NRG1: variants seen among roughly 807,000 people sequenced by gnomAD.
NRG1 encodes the protein neuregulin 1, also known as pro-neuregulin-1, membrane-bound isoform.
A neutral mutation model predicts 63.8 loss-of-function variants in NRG1; 18 were observed. That is an observed-to-expected ratio of 0.28 (90% CI 0.19 to 0.42). The LOEUF is 0.42. NRG1 is among the 10% of genes least tolerant of loss of function. NRG1 has a pLI of 1.00. For missense variants in NRG1, 762 were observed against 814.7 expected, an observed-to-expected ratio of 0.94 and a Z score of 0.79; for synonymous variants, 302 against 301.3, an observed-to-expected ratio of 1.00 and a Z score of -0.02.
chr8:32,753,214 C>T (rs976712090), intron 7 of NRG1, among the ~76,000 whole-genome samples: 1 of 152,166 alleles, frequency 6.6e-6, no homozygotes, highest in African/African-American at 2.4e-5. Flanking sequence ...GTTGAGTTCT[C>T]TTTCTGAGTG....
chr8:31,856,615 T>C (rs1485401362), intron 1 of NRG1, among the ~76,000 whole-genome samples: 1 of 152,214 alleles, frequency 6.6e-6, no homozygotes, highest in Non-Finnish European at 1.5e-5. Flanking sequence ...TCTCCGCTCG[T>C]CAAAGTCATT....
At chr8:31,853,179 T>A (rs1253541450) in intron 1 of NRG1, among the ~76,000 whole-genome samples, 1 of 152,206 alleles carries the variant, frequency 6.6e-6, no homozygotes, top group Non-Finnish European at 1.5e-5. Flanking sequence ...GGGATGTCAT[T>A]GAATCTGTAC....
chr8:32,773,915 T>C (rs1831948200), intron 7 of NRG1, among the ~76,000 whole-genome samples: 1 of 152,246 alleles, frequency 6.6e-6, no homozygotes, highest in Non-Finnish European at 1.5e-5. Context: ...CCAGTGTTTA[T>C]GAAACCCTAG....
At chr8:32,764,223 G>A (rs777344047) in exon 12 of NRG1, 7 of 1,614,008 alleles carry the variant, frequency 4.3e-6, no homozygotes, top group Admixed American at 1.7e-5. Flanking sequence ...AGATGAAAGA[G>A]TAGGTGAAGA....
At chr8:31,890,646 G>A (rs553798807) in intron 1 of NRG1, among the ~76,000 whole-genome samples, 2 of 152,218 alleles carry the variant, frequency 1.3e-5, no homozygotes, top group East Asian at 3.9e-4. Context: ...ACCTACATCA[G>A]ACACATGCTA....
chr8:32,476,229 A>G (rs1824502222), intron 1 of NRG1, among the ~76,000 whole-genome samples: 1 of 152,212 alleles, frequency 6.6e-6, no homozygotes, highest in African/African-American at 2.4e-5. Context: ...CAATGACAAG[A>G]ATTAGAGCAA....
intron 1 of NRG1, among the ~76,000 whole-genome samples, chr8:32,470,513 A>C (rs1823712032): frequency 1.3e-5 from 2 of 151,690 alleles, no homozygotes; most frequent in South Asian, 4.2e-4. Context: ...CATGAAAAGG[A>C]CTCTTTTTAA....
intron 1 of NRG1, among the ~76,000 whole-genome samples, chr8:31,878,041 T>C (rs1460353532): frequency 1.3e-5 from 2 of 152,194 alleles, no homozygotes; most frequent in African/African-American, 2.4e-5. Flanking sequence ...TTCCAGGAGA[T>C]GCTCAATATT....
intron 1 of NRG1, among the ~76,000 whole-genome samples, chr8:31,729,765 AG>A (rs1438803594): frequency 6.6e-6 from 1 of 152,182 alleles, no homozygotes; most frequent in Non-Finnish European, 1.5e-5. Context: ...AAAATGAAAA[AG>A]GATCTGGGGA....
chr8:31,980,915 T>A (rs1393209928), intron 1 of NRG1, among the ~76,000 whole-genome samples: 2 of 152,052 alleles, frequency 1.3e-5, no homozygotes, highest in African/African-American at 4.8e-5. Context: ...AATGTGACAA[T>A]GTTCTATGTA....
intron 1 of NRG1, among the ~76,000 whole-genome samples, chr8:32,554,840 C>T (rs1055706729): frequency 6.6e-6 from 1 of 151,982 alleles, no homozygotes; most frequent in African/African-American, 2.4e-5. Flanking sequence ...TCCTATGCCC[C>T]ATGTCACCTT....
intron 1 of NRG1, among the ~76,000 whole-genome samples, chr8:32,344,503 C>T (rs1014289501): frequency 2.9e-4 from 44 of 149,448 alleles, no homozygotes; most frequent in Non-Finnish European, 6.1e-4. Context: ...ACAATCTTGG[C>T]TCACTGCAGC....
intron 1 of NRG1, among the ~76,000 whole-genome samples, chr8:31,947,572 C>G (rs1321854446): frequency 6.6e-6 from 1 of 152,032 alleles, no homozygotes; most frequent in Non-Finnish European, 1.5e-5. Flanking sequence ...CTATTAGATC[C>G]GGTCAACATT....
chr8:32,174,295 GAC>G (rs907190597), intron 1 of NRG1, among the ~76,000 whole-genome samples: 59 of 152,066 alleles, frequency 3.9e-4, no homozygotes, highest in Admixed American at 3.5e-3. Flanking sequence ...CGAGAACAAA[GAC>G]ACAACATACC....
chr8:31,892,079 T>A (rs1585546930), intron 1 of NRG1, among the ~76,000 whole-genome samples: 1 of 152,118 alleles, frequency 6.6e-6, no homozygotes. Context: ...TGACTATGAG[T>A]GTCAATATCC....
chr8:31,782,790 G>T (rs1032578696), intron 1 of NRG1, among the ~76,000 whole-genome samples: 1 of 152,146 alleles, frequency 6.6e-6, no homozygotes, highest in Non-Finnish European at 1.5e-5. Flanking sequence ...CTGTGATTTA[G>T]TAGTCTAAAT....
At chr8:31,738,894 A>T (rs1026217603) in intron 1 of NRG1, among the ~76,000 whole-genome samples, 2 of 152,102 alleles carry the variant, frequency 1.3e-5, no homozygotes, top group Non-Finnish European at 2.9e-5. Context: ...AACCTACTCC[A>T]TTATGAATTC....
chr8:31,913,591 C>T (rs1833127388), intron 1 of NRG1, among the ~76,000 whole-genome samples: 1 of 152,044 alleles, frequency 6.6e-6, no homozygotes, highest in Non-Finnish European at 1.5e-5. Flanking sequence ...TTACCAAGGG[C>T]CTCGTAGATT....
chr8:32,292,992 T>A (rs1854381759), intron 1 of NRG1, among the ~76,000 whole-genome samples: 1 of 152,096 alleles, frequency 6.6e-6, no homozygotes, highest in Non-Finnish European at 1.5e-5. Context: ...TAATCCCAGC[T>A]ACTCAGGAGG....
Sources: gnomAD v4.1 joint callset for allele counts (sites outside exome capture counted in the v4.1 genomes callset) on GRCh38, gnomAD v4.1.1 for gene constraint, MANE v1.5 for transcripts, NCBI Gene and HGNC (gene_info 2026-07-23, HGNC 2026-07-21) for gene names.